ATP2B2: variants seen among roughly 807,000 people sequenced by gnomAD.
ATP2B2 encodes ATPase plasma membrane Ca2+ transporting 2.
In ATP2B2, 15 loss-of-function variants were observed where a neutral mutation model predicts 120.0. The ratio of observed to expected loss-of-function variants is 0.12; its 90% CI spans 0.08 to 0.19. The LOEUF (loss-of-function observed/expected upper bound fraction) is 0.19. Ranked by LOEUF, ATP2B2 falls within the 10% of genes least tolerant of loss-of-function variation. The pLI is 1.00. For missense variants in ATP2B2, 1,045 were observed against 1,719.8 expected, an observed-to-expected ratio of 0.61 and a Z score of 6.94; for synonymous variants, 694 against 700.3, an observed-to-expected ratio of 0.99 and a Z score of 0.14.
At chr3:10,682,639 C>G (rs150830370) in intron 1 of ATP2B2, among the ~76,000 whole-genome samples, 2,473 of 152,282 alleles carry the variant, frequency 0.016, 24 homozygotes, top group Middle Eastern at 0.031. Flanking sequence ...CCTGTGGACT[C>G]TGAGTGCAAG....
At chr3:10,697,693 C>T (rs192583146) in intron 1 of ATP2B2, among the ~76,000 whole-genome samples, 51 of 152,296 alleles carry the variant, frequency 3.3e-4, no homozygotes, top group African/African-American at 1.2e-3. Context: ...AGCATTTTCT[C>T]GACAACTAAA....
At chr3:10,527,575 C>T (rs1199296331) in intron 3 of ATP2B2, among the ~76,000 whole-genome samples, 1 of 152,190 alleles carries the variant, frequency 6.6e-6, no homozygotes, top group African/African-American at 2.4e-5. Flanking sequence ...TCCACTCTCC[C>T]TCTGAGACAA....
At chr3:10,601,052 C>A (rs1011507313) in intron 2 of ATP2B2, among the ~76,000 whole-genome samples, 2 of 152,178 alleles carry the variant, frequency 1.3e-5, no homozygotes, top group Non-Finnish European at 2.9e-5. Context: ...AGCCAGGAGA[C>A]CCCTGTGGGT....
chr3:10,361,889 A>G (rs3774174), intron 12 of ATP2B2, among the ~76,000 whole-genome samples: 55,936 of 152,132 alleles, frequency 0.37, 11,022 homozygotes, highest in East Asian at 0.58. Flanking sequence ...AATGCAGACC[A>G]GAGTGGTGGG....
intron 1 of ATP2B2, among the ~76,000 whole-genome samples, chr3:10,472,610 CTG>C (rs1166804458): frequency 6.6e-6 from 1 of 152,204 alleles, no homozygotes; most frequent in African/African-American, 2.4e-5. Flanking sequence ...CTCAAGGAAA[CTG>C]TCTCCCCGAA....
rs903887171 is a variant in ATP2B2, at chr3:10,346,226, G to A, written c.2405-89C>T. The stretch of plus-strand genomic sequence containing the variant: ...CTGGTCCTCGGGAGGGGCCTGGCTG[G>A]GCATGGCTTCCTCTCTGGTCCCTGT... On this transcript the variant is annotated intron_variant, in intron 16 of 22. Transcript: ENST00000360273. This position sits in a 1 kb window ranked among gnomAD's most constrained non-coding sequence, Gnocchi z 4.1. 80 of 1,303,082 alleles carry A rather than the reference G, an allele frequency of 6.1e-5. No individual in the cohort carries two copies. The highest frequency in any genetic ancestry group is 8.4e-5 in the Non-Finnish European group (77 of 920,040). 80.7% of individuals were successfully genotyped at this position (1,303,082 alleles called of 1,614,324 possible). A position where few individuals can be genotyped will look rare whatever the true frequency, so the allele number is the denominator to read the frequency against.
chr3:10,372,911 T>C (rs76601814), intron 11 of ATP2B2, among the ~76,000 whole-genome samples: 6,479 of 152,314 alleles, frequency 0.043, 162 homozygotes, highest in South Asian at 0.064. Context: ...CCTCCTGACA[T>C]AGTAGCTGAA....
intron 1 of ATP2B2, among the ~76,000 whole-genome samples, chr3:10,478,426 T>C (rs536956599): frequency 2.0e-5 from 3 of 152,368 alleles, no homozygotes; most frequent in African/African-American, 7.2e-5. Context: ...TTTGGTGTCA[T>C]AGCCAATAAA....
intron 1 of ATP2B2, among the ~76,000 whole-genome samples, chr3:10,639,712 G>C (rs903110595): frequency 6.6e-6 from 1 of 152,250 alleles, no homozygotes; most frequent in Non-Finnish European, 1.5e-5. Flanking sequence ...AAGGGACAAG[G>C]AGGAGAAAGA....
chr3:10,485,659 G>T (rs929488269), intron 1 of ATP2B2, among the ~76,000 whole-genome samples: 3 of 152,216 alleles, frequency 2.0e-5, no homozygotes, highest in African/African-American at 7.2e-5. Flanking sequence ...GGAGTGGAGT[G>T]GGGAGAGAGC....
intron 2 of ATP2B2, among the ~76,000 whole-genome samples, chr3:10,429,581 C>A (rs769730463): frequency 2.0e-5 from 3 of 152,172 alleles, no homozygotes; most frequent in Non-Finnish European, 4.4e-5. Context: ...CTCCACTAAC[C>A]GGCTGTTCCC....
intron 1 of ATP2B2, among the ~76,000 whole-genome samples, chr3:10,667,060 C>T (rs2125687077): frequency 6.6e-6 from 1 of 152,316 alleles, no homozygotes; most frequent in East Asian, 1.9e-4. Flanking sequence ...CCCAGGAGAT[C>T]CTGCTTGGCC....
rs531473442 is a variant in ATP2B2 at position 10,365,743 on chromosome 3, C to T, written c.1660-5620G>A. ...TGGTGTGTGTGTGGTGCATGGTGTG[C>T]GTTTGTGTGGCAGGTGTGTTGTGCG... On this transcript the variant is annotated intron_variant, in intron 12 of 22. Transcript: ENST00000360273. Among the ~76,000 whole-genome samples the T allele has an allele frequency of 7.3e-3, 25 of 3,412 alleles. No individual in the cohort carries two copies. In the East Asian group the frequency reaches 0.11, roughly 15 times the overall value. The allele number at this position is 3,412 out of a possible 152,430, so 2.2% of individuals were successfully genotyped here.
chr3:10,586,189 G>A (rs2068507246), intron 2 of ATP2B2, among the ~76,000 whole-genome samples: 1 of 152,188 alleles, frequency 6.6e-6, no homozygotes, highest in South Asian at 2.1e-4. Flanking sequence ...GCTCTGTCAT[G>A]ATTGAAAAAA....
Position 10,449,702 on chromosome 3 carries a change from C to A in ATP2B2, c.-159G>T. 1.2e-6 allele frequency: 1 copy of A among 825,684 alleles called. No individual in the cohort carries two copies. The highest frequency in any genetic ancestry group is 2.0e-6 in the Non-Finnish European group (1 of 498,182). 51.1% of individuals were successfully genotyped at this position (825,684 alleles called of 1,614,324 possible). On this transcript the variant is annotated 5_prime_UTR_variant, in exon 2 of 23. Coordinates refer to ENST00000360273, the MANE Select transcript of ATP2B2 (RefSeq NM_001001331.4). Reference sequence around the variant, plus strand: ...TCCCGGGGGGTGGGGGTGGCCGAGGCGGGCTGGTGACAGTGGTGGTGAGCT... The same window carrying A: ...TCCCGGGGGGTGGGGGTGGCCGAGGAGGGCTGGTGACAGTGGTGGTGAGCT...
chr3:10,418,725 C>T (rs1289788264), intron 2 of ATP2B2, among the ~76,000 whole-genome samples: 1 of 152,224 alleles, frequency 6.6e-6, no homozygotes, highest in Non-Finnish European at 1.5e-5. Context: ...GCTGAGCGGA[C>T]CTGCCTGCAG....
At chr3:10,412,532 G>T (rs932939409) in intron 2 of ATP2B2, among the ~76,000 whole-genome samples, 1 of 152,152 alleles carries the variant, frequency 6.6e-6, no homozygotes, top group African/African-American at 2.4e-5. Context: ...AGCAAACCGG[G>T]AACAGCCTTT....
rs2068748835 is a variant in ATP2B2 at position 10,595,663 on chromosome 3, A to G, written c.-415+24254T>C. 2.0e-5 allele frequency among the ~76,000 whole-genome samples: 3 copies of G among 152,184 alleles called. No homozygotes were observed. The South Asian group carries it at 6.2e-4, about 32-fold the overall frequency. On this transcript the variant is annotated intron_variant, in intron 2 of 21. Transcript: ENST00000646379. ...AAACAGACCACATTGCGCTTCCATT[A>G]AGCATATTACATTTATCTTAATTAT...
In ATP2B2 at chr3:10,454,162, A is replaced by G. The variant is rs113050271; in HGVS notation, c.-319-4300T>C. ...GGAACTCTGCCCTCTACGAGCCCACAGTGAAGAAGAGAGACAACTAAATTA... is the reference window on the plus strand; with the variant it reads ...GGAACTCTGCCCTCTACGAGCCCACGGTGAAGAAGAGAGACAACTAAATTA... On this transcript the variant is annotated intron_variant, in intron 1 of 22. Transcript: ENST00000360273. 4.2e-4 allele frequency among the ~76,000 whole-genome samples: 64 copies of G among 152,344 alleles called. 2 individuals carry two copies. Among genetic ancestry groups the G allele is most frequent in the African/African-American group, 1.4e-3 (59 of 41,576 alleles).
Sources: gnomAD v4.1 joint callset for allele counts (sites outside exome capture counted in the v4.1 genomes callset) on GRCh38, gnomAD v4.1.1 for gene constraint, Gnocchi (gnomAD v3.1) non-coding constraint, MANE v1.5 for transcripts, NCBI Gene and HGNC (gene_info 2026-07-23, HGNC 2026-07-21) for gene names.